The following TRAK1 variants were observed in gnomAD, a reference collection of about 807,000 sequenced individuals.
TRAK1 encodes the protein trafficking kinesin protein 1.
In TRAK1, 33 loss-of-function variants were observed where a neutral mutation model predicts 92.1. The observed-to-expected ratio is 0.36, with a 90% CI of 0.27 to 0.48. The LOEUF (loss-of-function observed/expected upper bound fraction) is 0.48, where lower values mean the gene tolerates loss of function less well. TRAK1 is among the 20% of genes least tolerant of loss of function. The pLI, the probability that TRAK1 is intolerant of heterozygous loss-of-function variation, is 0.99. For synonymous variants in TRAK1, 521 were observed against 517.3 expected (o/e 1.01, Z -0.10); for missense variants, 1,123 against 1,257.9 (o/e 0.89, Z 1.62).
At chr3:42,041,637 T>C (rs1171925343) in intron 1 of TRAK1, among the ~76,000 whole-genome samples, 3 of 151,758 alleles carry the variant, frequency 2.0e-5, no homozygotes, top group Non-Finnish European at 4.4e-5. Context: ...GAATTTCCAG[T>C]ACGATGTTGA....
At chr3:42,171,228 A>G (rs555958072) in intron 2 of TRAK1, among the ~76,000 whole-genome samples, 1 of 152,234 alleles carries the variant, frequency 6.6e-6, no homozygotes, top group Non-Finnish European at 1.5e-5. Context: ...TGTGTGTAAA[A>G]TATTCATTTA....
intron 1 of TRAK1, among the ~76,000 whole-genome samples, chr3:42,119,149 G>A (rs1709535626): frequency 6.6e-6 from 1 of 152,210 alleles, no homozygotes; most frequent in African/African-American, 2.4e-5. Context: ...TTTCTCTTGA[G>A]GGGCTCACAA....
chr3:42,144,368 C>G (rs946505703), intron 2 of TRAK1, among the ~76,000 whole-genome samples: 1 of 152,078 alleles, frequency 6.6e-6, no homozygotes, highest in Non-Finnish European at 1.5e-5. Context: ...CTGCCATACA[C>G]TAATTGATTA....
intron 7 of TRAK1, among the ~76,000 whole-genome samples, chr3:42,192,824 T>A (rs1379913385): frequency 1.3e-5 from 2 of 152,228 alleles, no homozygotes. Flanking sequence ...CTTGGGACCC[T>A]ACACTGAGCT....
intron 1 of TRAK1, among the ~76,000 whole-genome samples, chr3:42,069,034 C>A (rs1703798218): frequency 6.6e-6 from 1 of 152,046 alleles, no homozygotes. Context: ...GTGCTCATGT[C>A]AGGCTGTTTA....
intron 2 of TRAK1, among the ~76,000 whole-genome samples, chr3:42,164,329 T>C (rs186979528): frequency 1.2e-4 from 18 of 152,392 alleles, no homozygotes; most frequent in Admixed American, 7.8e-4. Flanking sequence ...CTCTGATAGT[T>C]ACAGATACAG....
chr3:42,176,635 C>T (rs1703253137), intron 2 of TRAK1, among the ~76,000 whole-genome samples, 179 bp from the exon 3 acceptor site: 1 of 152,166 alleles, frequency 6.6e-6, no homozygotes, highest in African/African-American at 2.4e-5. Context: ...ATCCTCCAGT[C>T]GTTGGAACTG....
chr3:42,093,852 G>A (rs909510861), intron 1 of TRAK1, among the ~76,000 whole-genome samples: 2 of 150,830 alleles, frequency 1.3e-5, no homozygotes, highest in East Asian at 3.9e-4. Flanking sequence ...ACAGGCATGC[G>A]CCACCACGCC....
Position 42,113,925 on chromosome 3 carries a change from G to A in TRAK1, c.92-11495G>A, listed in dbSNP as rs375825531. 1.1e-4 allele frequency among the ~76,000 whole-genome samples: 17 copies of A among 152,244 alleles called. No individual in the cohort carries two copies. In the East Asian group the frequency reaches 2.3e-3, roughly 21 times the overall value. On this transcript the variant is annotated intron_variant, in intron 1 of 15. Coordinates refer to ENST00000327628, the MANE Select transcript of TRAK1 (RefSeq NM_001042646.3). ...CAAAATGTGCACCCATAACCGTTTAGTTCCAGAACATTTTCATCACCCCAA... is the reference window on the plus strand; with the variant it reads ...CAAAATGTGCACCCATAACCGTTTAATTCCAGAACATTTTCATCACCCCAA...
At chr3:42,193,037 T>TA in intron 7 of TRAK1, 38 bp from the exon 8 acceptor site, 1 of 1,609,618 alleles carries the variant, frequency 6.2e-7, no homozygotes, top group Non-Finnish European at 8.5e-7. Flanking sequence ...TGTGTGGTTT[T>TA]CTGACTTCCT....
chr3:42,092,614 CAGG>C (rs1171551786), intron 1 of TRAK1, among the ~76,000 whole-genome samples: 1 of 152,018 alleles, frequency 6.6e-6, no homozygotes, highest in Non-Finnish European at 1.5e-5. Context: ...AATCTGCTAA[CAGG>C]AGTAGCCCTG....
chr3:42,165,460 A>G (rs1701745636), intron 2 of TRAK1, among the ~76,000 whole-genome samples: 1 of 152,240 alleles, frequency 6.6e-6, no homozygotes, highest in Admixed American at 6.5e-5. Flanking sequence ...GATTCAGCAC[A>G]GATGGAGCAC....
intron 7 of TRAK1, 126 bp downstream of exon 7, chr3:42,191,762 C>A: frequency 3.1e-6 from 3 of 967,452 alleles, no homozygotes; most frequent in Non-Finnish European, 4.5e-6. Flanking sequence ...TTTCTTAAAA[C>A]TAGAGGCCTC....
chr3:42,130,125 T>A (rs1697000857), intron 2 of TRAK1, among the ~76,000 whole-genome samples: 1 of 152,122 alleles, frequency 6.6e-6, no homozygotes, highest in African/African-American at 2.4e-5. Context: ...TCCTGTGGCT[T>A]GTAGGTCACA....
intron 1 of TRAK1, among the ~76,000 whole-genome samples, chr3:42,035,192 T>C (rs1332152556): frequency 1.3e-5 from 2 of 152,206 alleles, no homozygotes; most frequent in Non-Finnish European, 2.9e-5. Context: ...CCTCATTCTT[T>C]CCTTCTGGAA....
chr3:42,030,893 A>G (rs1420320932), intron 1 of TRAK1, among the ~76,000 whole-genome samples: 9 of 151,808 alleles, frequency 5.9e-5, no homozygotes, highest in Admixed American at 5.2e-4. Flanking sequence ...GATTACTTTC[A>G]TTGGCAGAAG....
intron 11 of TRAK1, 101 bp downstream of exon 11, chr3:42,199,354 G>A: frequency 8.7e-7 from 1 of 1,142,940 alleles, no homozygotes; most frequent in South Asian, 1.3e-5. Flanking sequence ...TACCGACAGT[G>A]ATTGACTATT....
intron 1 of TRAK1, among the ~76,000 whole-genome samples, chr3:42,033,662 A>G (rs976553806): frequency 2.6e-5 from 4 of 152,174 alleles, no homozygotes; most frequent in African/African-American, 7.2e-5. Flanking sequence ...TTCATCTAGA[A>G]TAAGACTGTG....
chr3:42,184,589 G>T, intron 3 of TRAK1, 96 bp from the exon 4 acceptor site: 1 of 1,165,310 alleles, frequency 8.6e-7, no homozygotes, highest in South Asian at 1.4e-5. Context: ...GTTATTTCTA[G>T]ATGCTTATGT....
Sources: allele counts gnomAD v4.1 joint callset (sites outside exome capture counted in the v4.1 genomes callset), GRCh38; gene constraint gnomAD v4.1.1; transcripts MANE v1.5; gene names NCBI Gene and HGNC (gene_info 2026-07-23, HGNC 2026-07-21).